The following FRK variants were observed in gnomAD, a reference collection of about 807,000 sequenced individuals.
FRK encodes tyrosine-protein kinase FRK.
FRK carries 51 observed loss-of-function variants against 56.4 expected under a neutral mutation model. The ratio of observed to expected loss-of-function variants is 0.90; its 90% CI spans 0.72 to 1.14. FRK has a LOEUF of 1.14. Among genes scored for constraint, FRK ranks in the 50% most tolerant of loss-of-function variants. The pLI, the probability that FRK is intolerant of heterozygous loss-of-function variation, is 0.00. For synonymous variants in FRK, 245 were observed against 217.9 expected, an observed-to-expected ratio of 1.12 and a Z score of -1.10; for missense variants, 570 against 601.4, an observed-to-expected ratio of 0.95 and a Z score of 0.55.
At chr6:116,078,567 T>G in the FRK span, among the ~76,000 whole-genome samples, 1 of 152,244 alleles carries the variant, frequency 6.6e-6, no homozygotes, top group East Asian at 1.9e-4. Context: ...AATAAATACC[T>G]TGTTTTGTTA....
chr6:115,980,958 C>G (rs1185707494), intron 2 of FRK, among the ~76,000 whole-genome samples: 3 of 151,950 alleles, frequency 2.0e-5, no homozygotes, highest in African/African-American at 4.8e-5. Flanking sequence ...TTGATTTTGT[C>G]TTTTTTATGT....
intron 1 of FRK, among the ~76,000 whole-genome samples, chr6:116,029,077 C>T (rs1776205932): frequency 6.6e-6 from 1 of 152,102 alleles, no homozygotes; most frequent in Admixed American, 6.6e-5. Context: ...CAAGCTCCTT[C>T]CTCAGGGACT....
intron 5 of FRK, among the ~76,000 whole-genome samples, chr6:115,947,735 T>A (rs1232011318): frequency 6.6e-6 from 1 of 152,188 alleles, no homozygotes; most frequent in African/African-American, 2.4e-5. Context: ...GAGTTTTGAA[T>A]TCTATATTAT....
At chr6:116,005,853 G>GA (rs1168451701) in intron 1 of FRK, among the ~76,000 whole-genome samples, 2 of 152,014 alleles carry the variant, frequency 1.3e-5, no homozygotes, top group African/African-American at 4.8e-5. Flanking sequence ...ATCCATATGG[G>GA]AAAAAAACTG....
intron 1 of FRK, among the ~76,000 whole-genome samples, chr6:116,021,309 AT>A (rs1475332544): frequency 6.6e-6 from 1 of 152,086 alleles, no homozygotes; most frequent in Non-Finnish European, 1.5e-5. Context: ...GCCATACATC[AT>A]TTTGATGTCA....
At chr6:115,949,277 C>A (rs1370954602) in intron 5 of FRK, among the ~76,000 whole-genome samples, 1 of 152,040 alleles carries the variant, frequency 6.6e-6, no homozygotes, top group African/African-American at 2.4e-5. Flanking sequence ...ACCTTTATTT[C>A]TTTCTCTTGC....
chr6:116,038,624 A>C, intron 1 of FRK: 1 of 285,394 alleles, frequency 3.5e-6, no homozygotes, highest in Non-Finnish European at 6.9e-6. Context: ...TTTTGCCCAT[A>C]CTAATCTCAC....
Position 116,051,715 on chromosome 6 carries a change from T to A in FRK, c.344+8253A>T, listed in dbSNP as rs1419440788. Among the ~76,000 whole-genome samples, 3 of 152,098 alleles carry A rather than the reference T, an allele frequency of 2.0e-5. No individual in the cohort carries two copies. The South Asian group carries it at 6.2e-4, about 32-fold the overall frequency. ...AGGGAAACTGGCTCAATCCTTTCAATGCTAAGAAGAGCTAAGAACCCATAT... is the reference window on the plus strand; with the variant it reads ...AGGGAAACTGGCTCAATCCTTTCAAAGCTAAGAAGAGCTAAGAACCCATAT... On this transcript the variant is annotated intron_variant, in intron 1 of 7. Transcript: ENST00000606080.
chr6:116,044,817 T>C (rs1218542910), intron 1 of FRK, among the ~76,000 whole-genome samples: 1 of 152,258 alleles, frequency 6.6e-6, no homozygotes, highest in Non-Finnish European at 1.5e-5. Context: ...GATGACATGA[T>C]TGTGTATTTA....
chr6:116,070,910 C>T, the FRK span, among the ~76,000 whole-genome samples: 2 of 152,002 alleles, frequency 1.3e-5, no homozygotes, highest in Non-Finnish European at 2.9e-5. Context: ...GTATACTTGG[C>T]ATTTTTTATT....
rs60318972 is a variant in FRK at position 116,038,135 on chromosome 6, G to A, written c.344+21833C>T. Among the ~76,000 whole-genome samples the A allele has an allele frequency of 7.2e-5, 11 of 152,332 alleles. No homozygotes were observed. The East Asian group carries it at 2.1e-3, about 29-fold the overall frequency. On this transcript the variant is annotated intron_variant, in intron 1 of 7. Transcript: ENST00000606080. Reference sequence around the variant, plus strand: ...AAAATGGGAGCCAGGTAAGGAAGTAGCTAGAGGAGGTTTCTGGCCAACATT... The same window carrying A: ...AAAATGGGAGCCAGGTAAGGAAGTAACTAGAGGAGGTTTCTGGCCAACATT...
the FRK span, among the ~76,000 whole-genome samples, chr6:116,072,530 A>AACACACACACAC: frequency 2.1e-4 from 30 of 144,962 alleles, no homozygotes; most frequent in African/African-American, 6.7e-4. Flanking sequence ...AGGTTAAATA[A>AACACACACACAC]ACACACACAC....
chr6:116,020,083 A>G (rs914942463), intron 1 of FRK, among the ~76,000 whole-genome samples: 2 of 152,200 alleles, frequency 1.3e-5, no homozygotes, highest in African/African-American at 2.4e-5. Context: ...CAACAAAAAA[A>G]TTGATCAAAC....
intron 1 of FRK, among the ~76,000 whole-genome samples, chr6:116,040,191 G>A (rs549940850): frequency 6.6e-6 from 1 of 152,172 alleles, no homozygotes; most frequent in East Asian, 1.9e-4. Flanking sequence ...ATAATTTAGT[G>A]AAAATAATTG....
At chr6:116,014,663 C>A (rs1341069531) in intron 1 of FRK, among the ~76,000 whole-genome samples, 1 of 151,618 alleles carries the variant, frequency 6.6e-6, no homozygotes, top group African/African-American at 2.4e-5. Context: ...TTGAAAACTA[C>A]AAAGGAGAGT....
the FRK span, among the ~76,000 whole-genome samples, chr6:116,084,109 C>G: frequency 1.3e-5 from 2 of 152,020 alleles, no homozygotes; most frequent in Admixed American, 1.3e-4. Flanking sequence ...AGCAAATGCA[C>G]CAAGGCAATA....
At chr6:115,947,663 C>T (rs1353121526) in intron 5 of FRK, among the ~76,000 whole-genome samples, 1 of 152,078 alleles carries the variant, frequency 6.6e-6, no homozygotes, top group Admixed American at 6.6e-5. Context: ...GAGAAAGCCA[C>T]CTAGCAGAGC....
At chr6:116,065,747 A>G (rs1387701784), upstream of FRK, among the ~76,000 whole-genome samples, 2 of 152,162 alleles carry the variant, frequency 1.3e-5, no homozygotes, top group African/African-American at 4.8e-5. Context: ...CTCTTTATGT[A>G]CTTAATGTAG....
At chr6:116,076,022 C>T in the FRK span, among the ~76,000 whole-genome samples, 1 of 152,168 alleles carries the variant, frequency 6.6e-6, no homozygotes, top group Non-Finnish European at 1.5e-5. Context: ...CCTTCTGCAA[C>T]ACAGAATTTC....
Sources: gnomAD v4.1 joint callset for allele counts (sites outside exome capture counted in the v4.1 genomes callset) on GRCh38, gnomAD v4.1.1 for gene constraint, MANE v1.5 for transcripts, NCBI Gene and HGNC (gene_info 2026-07-23, HGNC 2026-07-21) for gene names.